NAALADL2: variants seen among roughly 807,000 people sequenced by gnomAD.
The protein encoded by NAALADL2 is inactive N-acetylated-alpha-linked acidic dipeptidase-like protein 2.
NAALADL2 carries 76 observed loss-of-function variants against 87.2 expected under a neutral mutation model. That is an observed-to-expected ratio of 0.87 (90% CI 0.72 to 1.05). The LOEUF (loss-of-function observed/expected upper bound fraction) is 1.05, where lower values mean the gene tolerates loss of function less well. Among genes scored for constraint, NAALADL2 ranks in the 50% least tolerant of loss-of-function variants. The probability of loss-of-function intolerance (pLI) is 0.00; values close to 1 mark genes in which losing one functional copy is unlikely to be tolerated. For synonymous variants in NAALADL2, 354 were observed against 331.0 expected, an observed-to-expected ratio of 1.07 and a Z score of -0.75; for missense variants, 1,089 against 945.8, an observed-to-expected ratio of 1.15 and a Z score of -1.99.
intron 1 of NAALADL2, among the ~76,000 whole-genome samples, chr3:174,892,901 TA>T (rs1169314619): frequency 7.9e-6 from 1 of 126,146 alleles, no homozygotes; most frequent in Non-Finnish European, 1.6e-5. Flanking sequence ...CAGCTTGGGC[TA>T]GAGAGTGAGA....
chr3:175,604,977 G>A (rs879641469), intron 10 of NAALADL2, among the ~76,000 whole-genome samples: 6 of 152,138 alleles, frequency 3.9e-5, no homozygotes, highest in Non-Finnish European at 7.4e-5. Flanking sequence ...TGGCTTAGAC[G>A]GTATCACAGG....
At chr3:175,755,561 C>T (rs1747161731) in intron 13 of NAALADL2, 143 bp downstream of exon 13, 1 of 524,542 alleles carries the variant, frequency 1.9e-6, no homozygotes, top group African/African-American at 2.0e-5. Context: ...ACTTCCCCCT[C>T]CCCCAAAGAA....
intron 10 of NAALADL2, among the ~76,000 whole-genome samples, chr3:175,585,352 A>G (rs1233191914): frequency 6.6e-6 from 1 of 152,106 alleles, no homozygotes; most frequent in Non-Finnish European, 1.5e-5. Flanking sequence ...CTGGATTTCT[A>G]AAACACCTTT....
chr3:175,440,330 A>G (rs1719518375), intron 5 of NAALADL2, among the ~76,000 whole-genome samples: 1 of 151,740 alleles, frequency 6.6e-6, no homozygotes, highest in Admixed American at 6.6e-5. Flanking sequence ...ATGCCTCCAG[A>G]TTTGTTCTTT....
At chr3:175,269,832 G>A (rs746076754) in intron 4 of NAALADL2, among the ~76,000 whole-genome samples, 68 of 152,214 alleles carry the variant, frequency 4.5e-4, no homozygotes, top group Non-Finnish European at 7.5e-4. Context: ...GCTTCTCTCA[G>A]TATTAGCACC....
chr3:175,052,720 C>T (rs1486548752), intron 1 of NAALADL2, among the ~76,000 whole-genome samples: 1 of 152,114 alleles, frequency 6.6e-6, no homozygotes, highest in Admixed American at 6.6e-5. Context: ...GAGTGTCCTT[C>T]TAGATACTTT....
intron 10 of NAALADL2, among the ~76,000 whole-genome samples, chr3:175,605,882 A>G (rs544887136): frequency 6.6e-6 from 1 of 152,274 alleles, no homozygotes; most frequent in South Asian, 2.1e-4. Flanking sequence ...CAGGGTGAAT[A>G]AAATAACTAC....
At chr3:174,532,243 G>C (rs563166206) in intron 1 of NAALADL2, among the ~76,000 whole-genome samples, 10 of 152,312 alleles carry the variant, frequency 6.6e-5, no homozygotes, top group Admixed American at 3.9e-4. Flanking sequence ...GGAGGACTGA[G>C]ACAGACATGA....
intron 9 of NAALADL2, among the ~76,000 whole-genome samples, chr3:175,503,717 C>T (rs1255778546): frequency 5.9e-5 from 9 of 152,070 alleles, no homozygotes; most frequent in South Asian, 2.1e-4. Context: ...GTTGGCTACA[C>T]GTGTGTCTTC....
At chr3:175,061,015 C>T (rs1713357080) in intron 1 of NAALADL2, among the ~76,000 whole-genome samples, 1 of 152,070 alleles carries the variant, frequency 6.6e-6, no homozygotes, top group South Asian at 2.1e-4. Context: ...CATTGCACCT[C>T]AGCCTGGGCA....
intron 10 of NAALADL2, among the ~76,000 whole-genome samples, chr3:175,608,554 C>T (rs928074282): frequency 4.0e-5 from 6 of 151,808 alleles, no homozygotes; most frequent in East Asian, 2.0e-4. Flanking sequence ...GTGTGTTTTT[C>T]GCCTTCATGC....
intron 3 of NAALADL2, among the ~76,000 whole-genome samples, chr3:174,804,970 GC>G (rs1312216814): frequency 6.6e-6 from 1 of 152,120 alleles, no homozygotes; most frequent in South Asian, 2.1e-4. Context: ...AAGTAGTTCA[GC>G]AAGTAGTTAA....
intron 5 of NAALADL2, among the ~76,000 whole-genome samples, chr3:175,343,300 T>C (rs909458737): frequency 2.0e-5 from 3 of 152,076 alleles, no homozygotes; most frequent in Admixed American, 6.6e-5. Flanking sequence ...ATATAGAGTT[T>C]CTCCATTGCA....
intron 1 of NAALADL2, among the ~76,000 whole-genome samples, chr3:174,907,127 A>T: frequency 6.6e-6 from 1 of 152,124 alleles, no homozygotes; most frequent in East Asian, 1.9e-4. Context: ...TCTGATAATT[A>T]ATCAAACTCT....
intron 9 of NAALADL2, among the ~76,000 whole-genome samples, chr3:175,509,628 C>T (rs1205845676): frequency 1.3e-5 from 2 of 152,088 alleles, no homozygotes; most frequent in African/African-American, 4.8e-5. Flanking sequence ...GTGTCATAGA[C>T]TAACTACTTA....
chr3:175,392,683 G>A (rs150127270), intron 5 of NAALADL2, among the ~76,000 whole-genome samples: 2,222 of 152,174 alleles, frequency 0.015, 22 homozygotes, highest in South Asian at 0.036. Flanking sequence ...CTGCACCATC[G>A]ATTATGCCAG....
intron 9 of NAALADL2, among the ~76,000 whole-genome samples, chr3:175,521,497 C>T (rs1358963785): frequency 6.6e-6 from 1 of 151,764 alleles, no homozygotes; most frequent in Non-Finnish European, 1.5e-5. Context: ...AATTGTGTTC[C>T]CCAGAGAGAT....
chr3:174,852,476 T>C (rs1016121673), intron 3 of NAALADL2, among the ~76,000 whole-genome samples: 3 of 152,010 alleles, frequency 2.0e-5, no homozygotes, highest in Non-Finnish European at 2.9e-5. Flanking sequence ...TAGCTATAGA[T>C]AAAATTAAAT....
intron 1 of NAALADL2, among the ~76,000 whole-genome samples, chr3:174,882,437 GTA>G (rs1252069652): frequency 2.1e-5 from 3 of 144,324 alleles, no homozygotes; most frequent in Non-Finnish European, 3.0e-5. Flanking sequence ...GTGTGTGTGT[GTA>G]TATATGTGTG....
Sources: allele counts gnomAD v4.1 joint callset (sites outside exome capture counted in the v4.1 genomes callset), GRCh38; gene constraint gnomAD v4.1.1; transcripts MANE v1.5; gene names NCBI Gene and HGNC (gene_info 2026-07-23, HGNC 2026-07-21).